Variants in TMC1 observed in about 807,000 individuals in gnomAD.
The protein encoded by TMC1 is transmembrane channel-like protein 1.
A neutral mutation model predicts 105.8 loss-of-function variants in TMC1; 84 were observed. That is an observed-to-expected ratio of 0.79 (90% CI 0.67 to 0.95). The LOEUF (loss-of-function observed/expected upper bound fraction) is 0.95, where lower values mean the gene tolerates loss of function less well. TMC1 is among the 40% of genes least tolerant of loss of function. The pLI is 0.00. For synonymous variants in TMC1, 315 were observed against 311.5 expected, an observed-to-expected ratio of 1.01 and a Z score of -0.12; for missense variants, 817 against 914.1, an observed-to-expected ratio of 0.89 and a Z score of 1.37.
chr9:72,693,956 C>CTT, intron 6 of TMC1, among the ~76,000 whole-genome samples: 1 of 146,944 alleles, frequency 6.8e-6, no homozygotes, highest in East Asian at 2.0e-4. Flanking sequence ...GTGTATACTA[C>CTT]TTTTTTTTTT....
intron 12 of TMC1, among the ~76,000 whole-genome samples, chr9:72,757,109 TA>T (rs1396378499): frequency 6.6e-6 from 1 of 152,176 alleles, no homozygotes; most frequent in Non-Finnish European, 1.5e-5. Context: ...AGAGAAATTT[TA>T]AAGGTCAAGA....
chr9:72,569,966 T>C (rs978513757), intron 1 of TMC1, among the ~76,000 whole-genome samples: 6 of 151,552 alleles, frequency 4.0e-5, no homozygotes, highest in Admixed American at 2.0e-4. Context: ...GGGTGTGGGG[T>C]GTGTGTGTGA....
intron 2 of TMC1, among the ~76,000 whole-genome samples, chr9:72,580,539 TA>T (rs1313415569): frequency 1.3e-5 from 2 of 149,940 alleles, no homozygotes; most frequent in East Asian, 2.0e-4. Context: ...ACCTCTTCTC[TA>T]AATCTGACAG....
At chr9:72,652,805 A>G (rs564010237) in intron 5 of TMC1, among the ~76,000 whole-genome samples, 42 of 152,324 alleles carry the variant, frequency 2.8e-4, no homozygotes, top group Non-Finnish European at 4.6e-4. Flanking sequence ...GAAACTGCCT[A>G]TTGGTAAAAT....
At chr9:72,546,176 C>CCAGCT (rs960436780) in intron 1 of TMC1, among the ~76,000 whole-genome samples, 6 of 151,780 alleles carry the variant, frequency 4.0e-5, no homozygotes, top group Non-Finnish European at 8.8e-5. Context: ...GTCTGTAATC[C>CCAGCT]CAGCTACTTG....
Position 72,581,266 on chromosome 9 carries a change from G to T in TMC1, c.-306+3243G>T, listed in dbSNP as rs1299796243. On this transcript the variant is annotated intron_variant, in intron 2 of 23. Transcript: ENST00000297784. ...GTTGACAAGGAAAACTTAATTTAGG[G>T]TTCTTTATTTATTTTTCTCTAGTTA... 3.9e-5 allele frequency among the ~76,000 whole-genome samples: 6 copies of T among 152,162 alleles called. 1 individual carries two copies. The South Asian group carries it at 1.2e-3, about 32-fold the overall frequency.
At chr9:72,559,907 G>A (rs1824015906) in intron 1 of TMC1, among the ~76,000 whole-genome samples, 1 of 152,224 alleles carries the variant, frequency 6.6e-6, no homozygotes, top group African/African-American at 2.4e-5. Context: ...CTGACACTTG[G>A]TGCACAACCA....
At chr9:72,576,753 C>T (rs982091391) in intron 1 of TMC1, among the ~76,000 whole-genome samples, 1 of 151,634 alleles carries the variant, frequency 6.6e-6, no homozygotes. Context: ...CTCAGCCTCT[C>T]GAGTATCTGG....
intron 12 of TMC1, among the ~76,000 whole-genome samples, chr9:72,772,014 G>C (rs765944076): frequency 6.6e-6 from 1 of 152,098 alleles, no homozygotes; most frequent in Non-Finnish European, 1.5e-5. Flanking sequence ...GATTGGAAAT[G>C]GAAATCTGCC....
At chr9:72,631,240 G>A (rs971129090) in intron 4 of TMC1, among the ~76,000 whole-genome samples, 1 of 152,040 alleles carries the variant, frequency 6.6e-6, no homozygotes, top group African/African-American at 2.4e-5. Flanking sequence ...TTTAAAATTT[G>A]TTTAACTTTT....
chr9:72,648,442 CAAACT>C (rs904800409), intron 4 of TMC1, among the ~76,000 whole-genome samples, 150 bp from the exon 5 acceptor site: 3 of 152,138 alleles, frequency 2.0e-5, no homozygotes. Context: ...CCTTAAATGG[CAAACT>C]AAACATTCGT....
At chr9:72,800,625 C>T (rs966285041) in intron 17 of TMC1, among the ~76,000 whole-genome samples, 9 of 151,536 alleles carry the variant, frequency 5.9e-5, no homozygotes, top group Admixed American at 5.3e-4. Flanking sequence ...CTTGGAAGCC[C>T]GTGGATTATG....
intron 1 of TMC1, among the ~76,000 whole-genome samples, chr9:72,531,944 T>A (rs1428602914): frequency 3.3e-5 from 5 of 152,106 alleles, no homozygotes; most frequent in Admixed American, 3.3e-4. Flanking sequence ...TTTTATTTAT[T>A]TATTCGAGAT....
At position 72,836,154 on chromosome 9, in the gene TMC1, C is replaced by G. The variant is rs1238926394; in HGVS notation, c.*181C>G. On this transcript the variant is annotated 3_prime_UTR_variant, in exon 24 of 24. Coordinates refer to ENST00000297784, the MANE Select transcript of TMC1 (RefSeq NM_138691.3). Reference sequence around the variant, plus strand: ...TCAGTCCTACCTGAGCAACAAGAATCTAAACTTTATTCCAAGTCAGAAACT... The same window carrying G: ...TCAGTCCTACCTGAGCAACAAGAATGTAAACTTTATTCCAAGTCAGAAACT... The G allele has an allele frequency of 9.6e-6, 7 of 727,780 alleles. No homozygotes were observed. The highest frequency in any genetic ancestry group is 1.7e-5 in the Non-Finnish European group (7 of 405,572). The allele number at this position is 727,780 out of a possible 1,614,324, so 45.1% of individuals were successfully genotyped here. A position where few individuals can be genotyped will look rare whatever the true frequency, so the allele number is the denominator to read the frequency against.
intron 10 of TMC1, among the ~76,000 whole-genome samples, chr9:72,746,889 A>G (rs115011165): frequency 1.8e-4 from 28 of 152,282 alleles, no homozygotes; most frequent in African/African-American, 6.5e-4. Context: ...CTAAAACTCG[A>G]TGGTTGCTCC....
At chr9:72,528,170 A>G (rs1823437783) in intron 1 of TMC1, among the ~76,000 whole-genome samples, 7 of 152,182 alleles carry the variant, frequency 4.6e-5, no homozygotes, top group Admixed American at 4.6e-4. Flanking sequence ...GGCCCCAGAG[A>G]GCTAGCTAGC....
chr9:72,562,378 C>T (rs1188142131), intron 1 of TMC1, among the ~76,000 whole-genome samples: 1 of 152,100 alleles, frequency 6.6e-6, no homozygotes, highest in Non-Finnish European at 1.5e-5. Context: ...AAACAGTGCT[C>T]TCATGTAATT....
chr9:72,548,928 G>A (rs1054365864), intron 1 of TMC1, among the ~76,000 whole-genome samples: 1 of 152,194 alleles, frequency 6.6e-6, no homozygotes, highest in Non-Finnish European at 1.5e-5. Context: ...GCCCACGAGA[G>A]CAAGCTCATG....
At chr9:72,578,617 T>C (rs1456307514) in intron 2 of TMC1, among the ~76,000 whole-genome samples, 1 of 152,198 alleles carries the variant, frequency 6.6e-6, no homozygotes, top group Non-Finnish European at 1.5e-5. Context: ...ATGGAGTGTG[T>C]GTGCTCTGAC....
Sources: gnomAD v4.1 joint callset for allele counts (sites outside exome capture counted in the v4.1 genomes callset) on GRCh38, gnomAD v4.1.1 for gene constraint, MANE v1.5 for transcripts, NCBI Gene and HGNC (gene_info 2026-07-23, HGNC 2026-07-21) for gene names.